The following AGO2 variants were observed in gnomAD, a reference collection of about 807,000 sequenced individuals.
AGO2 encodes argonaute RISC catalytic component 2.
In AGO2, 5 loss-of-function variants were observed where a neutral mutation model predicts 102.3. That is an observed-to-expected ratio of 0.05 (90% CI 0.03 to 0.10). AGO2 has a LOEUF of 0.10. Ranked by LOEUF, AGO2 falls within the 10% of genes least tolerant of loss-of-function variation. The probability of loss-of-function intolerance (pLI) is 1.00; values close to 1 mark genes in which losing one functional copy is unlikely to be tolerated. For synonymous variants in AGO2, 449 were observed against 473.1 expected (o/e 0.95, Z 0.66); for missense variants, 541 against 1,183.7 (o/e 0.46, Z 7.97).
chr8:140,525,314 G>A lies in AGO2; in HGVS notation c.*6730C>T, dbSNP rs947848774. 2 of 152,244 alleles carry A rather than the reference G, an allele frequency of 1.3e-5. No homozygotes were observed. Among genetic ancestry groups the A allele is most frequent in the Non-Finnish European group, 2.9e-5 (2 of 68,078 alleles). 9.4% of individuals were successfully genotyped at this position (152,244 alleles called of 1,614,324 possible). ...CTGCAGCTCCCATGACTGAGTCGAG[G>A]GGCGAGCGGCTGTGCAGTGTCCCCT... On this transcript the variant is annotated 3_prime_UTR_variant, in exon 19 of 19. Coordinates refer to ENST00000220592, the MANE Select transcript of AGO2 (RefSeq NM_012154.5).
intron 1 of AGO2, among the ~76,000 whole-genome samples, chr8:140,618,528 A>G (rs557663314): frequency 3.2e-4 from 49 of 151,818 alleles, no homozygotes; most frequent in Non-Finnish European, 6.5e-4. Context: ...GCTTCCCCCA[A>G]ATTAACAGCA....
In AGO2 at chr8:140,589,369, C is replaced by T. The variant is rs974192224; in HGVS notation, c.23-4058G>A. 9.9e-5 allele frequency among the ~76,000 whole-genome samples: 15 copies of T among 152,194 alleles called. No individual in the cohort carries two copies. The East Asian group carries it at 2.3e-3, about 24-fold the overall frequency. ...GCTACCGGCGGGTGAACCACAGGCC[C>T]GGGTCAGCACCCATAGGCTGCGCAG... On this transcript the variant is annotated intron_variant, in intron 1 of 18. Transcript: ENST00000220592. The surrounding 1 kb of genome is among the most constrained non-coding windows in gnomAD (Gnocchi z 4.2).
At chr8:140,537,669 C>A (rs1429087013) in intron 16 of AGO2, among the ~76,000 whole-genome samples, 1 of 152,004 alleles carries the variant, frequency 6.6e-6, no homozygotes, top group Non-Finnish European at 1.5e-5. Context: ...GTAAAAATAT[C>A]CACCTTTGAT....
chr8:140,612,816 T>C (rs909722079), intron 1 of AGO2, among the ~76,000 whole-genome samples: 3 of 151,888 alleles, frequency 2.0e-5, no homozygotes, highest in African/African-American at 7.3e-5. Context: ...CAAATACCCA[T>C]AATTATCTGA....
chr8:140,549,309 AGGCTCCGTTCACTACCG>A lies in AGO2; in HGVS notation c.1404-28_1404-12del. The A allele has an allele frequency of 6.3e-7, 1 of 1,583,098 alleles. No individual in the cohort carries two copies. The highest frequency in any genetic ancestry group is 8.6e-7 in the Non-Finnish European group (1 of 1,158,046). On this transcript the variant is annotated splice_polypyrimidine_tract_variant and intron_variant, in intron 11 of 18. Coordinates refer to ENST00000220592, the MANE Select transcript of AGO2 (RefSeq NM_012154.5). ...TGCTCTGTGAAGGACCTGCAGGAGAAGGCTCCGTTCACTACCGGGCACTGGGAATGGCAGAGAACTCA... is the reference window on the plus strand; with the variant it reads ...TGCTCTGTGAAGGACCTGCAGGAGAAGGCACTGGGAATGGCAGAGAACTCA...
At chr8:140,629,357 G>A (rs867994430) in intron 1 of AGO2, among the ~76,000 whole-genome samples, 6 of 151,984 alleles carry the variant, frequency 3.9e-5, no homozygotes, top group South Asian at 2.1e-4. Context: ...GCAGGCGCCC[G>A]TGCCCGGGGC....
chr8:140,566,623 G>A (rs867540919), intron 3 of AGO2, among the ~76,000 whole-genome samples: 1 of 150,760 alleles, frequency 6.6e-6, no homozygotes, highest in Admixed American at 6.6e-5. Context: ...TTTTTTGGGG[G>A]GGGGGAAGGT....
intron 2 of AGO2, among the ~76,000 whole-genome samples, chr8:140,574,720 A>AT (rs1410344448): frequency 8.6e-5 from 13 of 151,692 alleles, no homozygotes; most frequent in Non-Finnish European, 1.8e-4. Context: ...TAACATCTTG[A>AT]TTTTTTACCA....
chr8:140,591,445 C>G (rs2073745588), intron 1 of AGO2, among the ~76,000 whole-genome samples: 1 of 152,210 alleles, frequency 6.6e-6, no homozygotes, highest in Non-Finnish European at 1.5e-5. Context: ...GATGATCATC[C>G]CTAAACCACT....
intron 14 of AGO2, among the ~76,000 whole-genome samples, chr8:140,543,415 G>C (rs760451562): frequency 2.0e-5 from 3 of 152,178 alleles, no homozygotes; most frequent in Non-Finnish European, 2.9e-5. Flanking sequence ...AGATTCTCTT[G>C]CTCCATATTC....
chr8:140,547,042 T>C (rs1280727403), intron 13 of AGO2, among the ~76,000 whole-genome samples: 3 of 152,118 alleles, frequency 2.0e-5, no homozygotes, highest in African/African-American at 4.8e-5. Flanking sequence ...TGTGCTCCCA[T>C]GAGGAGCTTT....
intron 1 of AGO2, chr8:140,592,120 CA>C (rs34164447): frequency 0.75 from 108,647 of 144,120 alleles, 40,819 homozygotes; most frequent in Non-Finnish European, 0.82. Flanking sequence ...AACTCTGTCT[CA>C]AAAAAAAAAA....
chr8:140,610,671 C>T (rs1190280955), intron 1 of AGO2, among the ~76,000 whole-genome samples: 7 of 152,234 alleles, frequency 4.6e-5, no homozygotes, highest in Admixed American at 3.9e-4. Context: ...AAAGAGAACA[C>T]GGGCCCAGCC....
intron 1 of AGO2, among the ~76,000 whole-genome samples, chr8:140,608,977 G>A (rs574749798): frequency 5.9e-5 from 9 of 152,298 alleles, no homozygotes; most frequent in South Asian, 2.1e-4. Context: ...CAGTTCCACC[G>A]GTGGGTCACT....
At chr8:140,586,485 CTAAA>C (rs1192288027) in intron 1 of AGO2, among the ~76,000 whole-genome samples, 1 of 152,164 alleles carries the variant, frequency 6.6e-6, no homozygotes, top group African/African-American at 2.4e-5. Flanking sequence ...GACTCCATCT[CTAAA>C]TAAATAAACA....
chr8:140,607,476 A>G (rs2074016411), intron 1 of AGO2, among the ~76,000 whole-genome samples: 2 of 14,942 alleles, frequency 1.3e-4, no homozygotes, highest in East Asian at 1.3e-3. Context: ...ATATATATAT[A>G]TATATATATA....
At chr8:140,636,615 T>C (rs1174172227), upstream of AGO2, 4 of 151,908 alleles carry the variant, frequency 2.6e-5, no homozygotes, top group Non-Finnish European at 4.4e-5. Flanking sequence ...TAAACAGGAG[T>C]TCTGACTGAC....
Position 140,559,627 on chromosome 8 carries a change from G to C in AGO2, c.656-98C>G. ...GGCCTCATAGGCCAGGCCAGCCATGGTGGGGACACCCGGCCGGGGTTCTCA... is the reference window on the plus strand; with the variant it reads ...GGCCTCATAGGCCAGGCCAGCCATGCTGGGGACACCCGGCCGGGGTTCTCA... On this transcript the variant is annotated intron_variant, in intron 5 of 18. Coordinates refer to ENST00000220592, the MANE Select transcript of AGO2 (RefSeq NM_012154.5). The C allele has an allele frequency of 2.0e-6, 3 of 1,509,738 alleles. No individual in the cohort carries two copies. In the South Asian group the frequency reaches 3.7e-5, roughly 19 times the overall value. The allele number at this position is 1,509,738 out of a possible 1,614,324, so 93.5% of individuals were successfully genotyped here.
chr8:140,583,746 G>A (rs933284887), intron 2 of AGO2, among the ~76,000 whole-genome samples: 4 of 152,104 alleles, frequency 2.6e-5, no homozygotes, highest in African/African-American at 4.8e-5. Flanking sequence ...GTGGTGGCAG[G>A]TGCCTGTAAT....
Sources: allele counts gnomAD v4.1 joint callset (sites outside exome capture counted in the v4.1 genomes callset), GRCh38; gene constraint gnomAD v4.1.1; non-coding constraint Gnocchi (gnomAD v3.1); transcripts MANE v1.5; gene names NCBI Gene and HGNC (gene_info 2026-07-23, HGNC 2026-07-21).